MACROH2A1: variants seen among roughly 807,000 people sequenced by gnomAD.
The protein encoded by MACROH2A1 is core histone macro-H2A.1.
Under a neutral mutation model 31.6 loss-of-function variants are expected in MACROH2A1, and 2 were observed. That is an observed-to-expected ratio of 0.06 (90% CI 0.03 to 0.20). The LOEUF (loss-of-function observed/expected upper bound fraction) is 0.20. Ranked by LOEUF, MACROH2A1 falls within the 10% of genes least tolerant of loss-of-function variation. The pLI, the probability that MACROH2A1 is intolerant of heterozygous loss-of-function variation, is 1.00. For missense variants in MACROH2A1, 230 were observed against 474.0 expected (o/e 0.49, Z 4.78); for synonymous variants, 169 against 189.6 (o/e 0.89, Z 0.89).
intron 7 of MACROH2A1, 82 bp downstream of exon 7, chr5:135,345,886 A>T: frequency 1.1e-6 from 1 of 906,778 alleles, no homozygotes; most frequent in Non-Finnish European, 1.9e-6. Flanking sequence ...CACACCTCTG[A>T]ATTCTAAGCC....
chr5:135,387,222 T>C (rs1405228402), intron 2 of MACROH2A1, among the ~76,000 whole-genome samples: 1 of 152,220 alleles, frequency 6.6e-6, no homozygotes, highest in Admixed American at 6.5e-5. Flanking sequence ...TGTTTCCTCA[T>C]CTACACAGAA....
At chr5:135,385,295 C>A (rs1440848838) in intron 2 of MACROH2A1, among the ~76,000 whole-genome samples, 1 of 152,248 alleles carries the variant, frequency 6.6e-6, no homozygotes, top group Non-Finnish European at 1.5e-5. Context: ...AACAAGCATT[C>A]TCCAGAAAGC....
rs1051680311 is a variant in MACROH2A1 at position 135,346,000 on chromosome 5, C to T, written c.746G>A (p.Arg249Gln). The change falls in exon 7 of 9, where the codon CGG becomes CAG. Residue 249 changes from arginine (R) to glutamine (Q), a missense_variant. Physicochemically the swap from Arg to Gln is conservative, Grantham distance 43 (BLOSUM62 1). Coordinates refer to ENST00000511689, the MANE Select transcript of MACROH2A1 (RefSeq NM_138610.3). Reference protein sequence around the residue: ...KEFVEAVLELRKKNGPLEVAG... With the variant: ...KEFVEAVLELQKKNGPLEVAG... ...TACTTCCAAGGGCCCGTTCTTTTTC[C>T]GGAGTTCCAGGACAGCTTCCACAAA... The T allele has an allele frequency of 6.8e-6, 11 of 1,613,766 alleles. No homozygotes were observed. Among genetic ancestry groups the T allele is most frequent in the East Asian group, 2.2e-5 (1 of 44,888 alleles).
chr5:135,374,068 C>T (rs927815224), intron 2 of MACROH2A1, among the ~76,000 whole-genome samples: 7 of 152,164 alleles, frequency 4.6e-5, no homozygotes, highest in Admixed American at 1.3e-4. Flanking sequence ...GGCATTTCAC[C>T]ATGGCCAGGG....
At chr5:135,358,595 A>T (rs1224229438) in intron 5 of MACROH2A1, 24 of 985,262 alleles carry the variant, frequency 2.4e-5, no homozygotes, top group Non-Finnish European at 2.7e-5. Context: ...TGGCAGCTTA[A>T]CCATTCCTTT....
At chr5:135,370,954 G>A (rs995913702) in intron 2 of MACROH2A1, among the ~76,000 whole-genome samples, 1 of 152,162 alleles carries the variant, frequency 6.6e-6, no homozygotes, top group Non-Finnish European at 1.5e-5. Context: ...GATGTATTTA[G>A]GGGTGAAGCA....
rs1483965910 is a variant in MACROH2A1, at chr5:135,369,143, C to A, written c.477+263G>T. On this transcript the variant is annotated intron_variant, in intron 4 of 8. Transcript: ENST00000511689. This position sits in a 1 kb window ranked among gnomAD's most constrained non-coding sequence, Gnocchi z 4.3. The stretch of plus-strand genomic sequence containing the variant: ...GCTTGGGAGTCCTTCCAGCTTGACA[C>A]TATCCCTGAAAGCCCACCACCCATC... Among the ~76,000 whole-genome samples the A allele has an allele frequency of 3.9e-5, 6 of 152,210 alleles. No individual in the cohort carries two copies. Among genetic ancestry groups the A allele is most frequent in the Non-Finnish European group, 8.8e-5 (6 of 68,034 alleles).
Position 135,369,392 on chromosome 5 carries a change from G to A in MACROH2A1, c.477+14C>T, listed in dbSNP as rs763264339. The A allele has an allele frequency of 6.2e-6, 10 of 1,608,136 alleles. No homozygotes were observed. The highest frequency in any genetic ancestry group is 7.7e-6 in the Non-Finnish European group (9 of 1,174,672). On this transcript the variant is annotated intron_variant, in intron 4 of 8. Coordinates refer to ENST00000511689, the MANE Select transcript of MACROH2A1 (RefSeq NM_138610.3). This position sits in a 1 kb window ranked among gnomAD's most constrained non-coding sequence, Gnocchi z 4.3. Reference sequence around the variant, plus strand: ...ATCCTATCCCACTTCATACATTCTGGCCAAATCACATACCTTGGATTTCCG... The same window carrying A: ...ATCCTATCCCACTTCATACATTCTGACCAAATCACATACCTTGGATTTCCG...
At position 135,373,438 on chromosome 5, in the gene MACROH2A1, A is replaced by T. The variant is rs149775015; in HGVS notation, c.173-3296T>A. On this transcript the variant is annotated intron_variant, in intron 2 of 8. Coordinates refer to ENST00000511689, the MANE Select transcript of MACROH2A1 (RefSeq NM_138610.3). ...GATTCTCCAGGAGCTAGAGGACATT[A>T]TCCCTGGCTTCGCAAGCTTTACCCC... Among the ~76,000 whole-genome samples the T allele has an allele frequency of 4.4e-3, 675 of 152,320 alleles. 5 individuals are homozygous for T. The highest frequency in any genetic ancestry group is 0.015 in the African/African-American group (642 of 41,568).
chr5:135,341,130 C>T (rs967830342), intron 8 of MACROH2A1, among the ~76,000 whole-genome samples: 3 of 152,240 alleles, frequency 2.0e-5, no homozygotes, highest in African/African-American at 7.2e-5. Context: ...AAGCACCTTT[C>T]ATCAGAGCAG....
intron 4 of MACROH2A1, among the ~76,000 whole-genome samples, chr5:135,368,579 C>A (rs1459120907): frequency 2.0e-5 from 3 of 152,228 alleles, no homozygotes; most frequent in Non-Finnish European, 2.9e-5. Flanking sequence ...CTCAAGATTC[C>A]ATTTTCTTAG....
At chr5:135,337,906 T>TGACAAATCCATCCCTCTGTC in intron 8 of MACROH2A1, 1 of 1,070,666 alleles carries the variant, frequency 9.3e-7, no homozygotes, top group Non-Finnish European at 1.1e-6. Context: ...AACCCTTTGT[T>TGACAAATCCATCCCTCTGTC]GACAAATCCA....
intron 2 of MACROH2A1, among the ~76,000 whole-genome samples, chr5:135,377,774 G>A (rs1765091169): frequency 6.6e-6 from 1 of 152,198 alleles, no homozygotes; most frequent in Non-Finnish European, 1.5e-5. Flanking sequence ...GCTATCGGCT[G>A]CCCCAGCTGG....
At chr5:135,370,321 T>C (rs1223834099) in intron 2 of MACROH2A1, among the ~76,000 whole-genome samples, 179 bp from the exon 3 acceptor site, 2 of 152,108 alleles carry the variant, frequency 1.3e-5, no homozygotes, top group South Asian at 4.1e-4. Context: ...GAGTGGGACC[T>C]AGGAAGCCCC....
At chr5:135,351,543 A>ATTTTTTTTTTTTCTTTTTTTTT (rs1761552336) in intron 6 of MACROH2A1, 1 of 48,480 alleles carries the variant, frequency 2.1e-5, no homozygotes, top group Non-Finnish European at 4.0e-5. Flanking sequence ...TTATGGTTTA[A>ATTTTTTTTTTTTCTTTTTTTTT]TTTTTTTTTT....
At chr5:135,337,771 C>T (rs191647868) in intron 8 of MACROH2A1, among the ~76,000 whole-genome samples, 111 of 152,330 alleles carry the variant, frequency 7.3e-4, no homozygotes, top group African/African-American at 2.6e-3. Context: ...TTTAGACTTG[C>T]AGTGCCCACA....
intron 8 of MACROH2A1, among the ~76,000 whole-genome samples, chr5:135,337,431 C>T (rs1258474730): frequency 1.3e-5 from 2 of 152,252 alleles, no homozygotes; most frequent in Non-Finnish European, 2.9e-5. Context: ...CAAAAGTGTG[C>T]CAGTCACTCC....
chr5:135,360,863 CA>C, intron 4 of MACROH2A1: 1 of 641,652 alleles, frequency 1.6e-6, no homozygotes, highest in African/African-American at 1.8e-5. Context: ...CTTCACTTTA[CA>C]GTGATCATTT....
intron 1 of MACROH2A1, among the ~76,000 whole-genome samples, chr5:135,389,615 A>T (rs1766917781): frequency 6.6e-6 from 1 of 152,210 alleles, no homozygotes; most frequent in Non-Finnish European, 1.5e-5. Context: ...AGGAGTCAGT[A>T]CAGTGTATAG....
Sources: allele counts gnomAD v4.1 joint callset (sites outside exome capture counted in the v4.1 genomes callset), GRCh38; gene constraint gnomAD v4.1.1; non-coding constraint Gnocchi (gnomAD v3.1); transcripts MANE v1.5; gene names NCBI Gene and HGNC (gene_info 2026-07-23, HGNC 2026-07-21).